SCN1A: variants seen among roughly 807,000 people sequenced by gnomAD.
The protein encoded by SCN1A is sodium channel protein type 1 subunit alpha.
In SCN1A, 13 loss-of-function variants were observed where a neutral mutation model predicts 193.7. That is an observed-to-expected ratio of 0.07 (90% CI 0.04 to 0.11). The LOEUF is 0.11. SCN1A is among the 10% of genes least tolerant of loss of function. The pLI is 1.00. For missense variants in SCN1A, 1,432 were observed against 2,451.1 expected, an observed-to-expected ratio of 0.58 and a Z score of 8.78; for synonymous variants, 781 against 843.6, an observed-to-expected ratio of 0.93 and a Z score of 1.29.
At chr2:166,007,482 T>C (rs1324473349) in intron 23 of SCN1A, among the ~76,000 whole-genome samples, 1 of 151,294 alleles carries the variant, frequency 6.6e-6, no homozygotes, top group Non-Finnish European at 1.5e-5. Context: ...TAAACACAAA[T>C]TTTATTTTAC....
At position 166,093,834 on chromosome 2, in the gene SCN1A, AC is replaced by A. The variant is rs565933902; in HGVS notation, c.-141-16034del. Among the ~76,000 whole-genome samples, 226 of 152,306 alleles carry A rather than the reference AC, an allele frequency of 1.5e-3. 1 individual carries two copies. Among genetic ancestry groups the A allele is most frequent in the African/African-American group, 5.1e-3 (213 of 41,564 alleles). On this transcript the variant is annotated intron_variant, in intron 2 of 28. Coordinates refer to ENST00000674923, the MANE Select transcript of SCN1A (RefSeq NM_001165963.4). ...AATAGCACAAGTTAATAAAGTGATGACCATTGTCAGACAGTTTGGAGGAAGT... is the reference window on the plus strand; with the variant it reads ...AATAGCACAAGTTAATAAAGTGATGACATTGTCAGACAGTTTGGAGGAAGT...
rs556888858 is a variant in SCN1A, at chr2:166,030,433, T to G, written c.3429+5615A>C. 9.8e-5 allele frequency among the ~76,000 whole-genome samples: 14 copies of G among 143,570 alleles called. No homozygotes were observed. In the South Asian group the frequency reaches 1.0e-3, roughly 11 times the overall value. 94.2% of individuals were successfully genotyped at this position (143,570 alleles called of 152,430 possible). A position where few individuals can be genotyped will look rare whatever the true frequency, so the allele number is the denominator to read the frequency against. On this transcript the variant is annotated intron_variant, in intron 19 of 28. Transcript: ENST00000674923. ...AAGGACCTCACATTTTTACTCATTATTCTAGAGCTCACTCATCGCAAAAAC... is the reference window on the plus strand; with the variant it reads ...AAGGACCTCACATTTTTACTCATTAGTCTAGAGCTCACTCATCGCAAAAAC...
At chr2:166,110,912 T>C (rs1276931801) in intron 2 of SCN1A, among the ~76,000 whole-genome samples, 2 of 152,104 alleles carry the variant, frequency 1.3e-5, no homozygotes, top group Non-Finnish European at 2.9e-5. Flanking sequence ...TACACAAACT[T>C]TCTTTGCCTG....
intron 23 of SCN1A, among the ~76,000 whole-genome samples, chr2:166,003,763 A>G (rs1000377467): frequency 6.6e-6 from 1 of 151,520 alleles, no homozygotes; most frequent in Non-Finnish European, 1.5e-5. Context: ...AATTCCACCT[A>G]TGTGCTTGTA....
At chr2:166,122,869 TTAGAG>T (rs1690758486) in intron 2 of SCN1A, among the ~76,000 whole-genome samples, 1 of 152,192 alleles carries the variant, frequency 6.6e-6, no homozygotes, top group African/African-American at 2.4e-5. Flanking sequence ...AAGAAAAAAG[TTAGAG>T]TAGATTCTTC....
Position 166,046,750 on chromosome 2 carries a change from A to T in SCN1A, c.1377+20T>A, listed in dbSNP as rs1178022374. On this transcript the variant is annotated intron_variant, in intron 12 of 28. Coordinates refer to ENST00000674923, the MANE Select transcript of SCN1A (RefSeq NM_001165963.4). ...ATCAGAACGATAAAAGGTCAGTGCCATGAGACAGGGCAGCTTTACCTGAGC... is the reference window on the plus strand; with the variant it reads ...ATCAGAACGATAAAAGGTCAGTGCCTTGAGACAGGGCAGCTTTACCTGAGC... The T allele has an allele frequency of 2.5e-6, 4 of 1,610,246 alleles. No homozygotes were observed. In the African/African-American group the frequency reaches 4.0e-5, roughly 16 times the overall value.
At chr2:166,107,831 G>A (rs1341319247) in intron 2 of SCN1A, among the ~76,000 whole-genome samples, 4 of 152,004 alleles carry the variant, frequency 2.6e-5, no homozygotes, top group African/African-American at 4.8e-5. Context: ...AAATTTAAAC[G>A]TAAGAACTAA....
intron 19 of SCN1A, among the ~76,000 whole-genome samples, chr2:166,025,330 C>T (rs966537188): frequency 1.3e-5 from 2 of 152,164 alleles, no homozygotes; most frequent in African/African-American, 4.8e-5. Context: ...GCTCATGGCC[C>T]AGAACCACTC....
chr2:166,052,994 G>T, intron 7 of SCN1A, 51 bp from the exon 8 acceptor site: 1 of 1,494,866 alleles, frequency 6.7e-7, no homozygotes, highest in Non-Finnish European at 9.3e-7. Context: ...CAAAGAAAAA[G>T]CTGTAGGTAC....
At chr2:166,115,308 G>A (rs375785431) in intron 2 of SCN1A, among the ~76,000 whole-genome samples, 163 of 152,258 alleles carry the variant, frequency 1.1e-3, no homozygotes, top group African/African-American at 3.4e-3. Context: ...GCAGTGAGCC[G>A]AGATTGCTTC....
Position 165,994,231 on chromosome 2 carries a change from T to C in SCN1A, c.4767A>G (p.Val1589=). The stretch of plus-strand genomic sequence containing the variant: ...AATGGCGTAGAGAGATGAGTTTCAG[T>C]ACACACTCTCCAGTAAATAGCACAA... The part of the protein sequence containing the change: ...VFIVLFTGEC[V]LKLISLRHYY... The change falls in exon 28 of 29, where the codon GTA becomes GTG. Residue 1589 remains valine, a synonymous_variant. Transcript: ENST00000674923. The C allele has an allele frequency of 6.2e-7, 1 of 1,612,986 alleles. No homozygotes were observed. The highest frequency in any genetic ancestry group is 8.5e-7 in the Non-Finnish European group (1 of 1,179,368).
intron 2 of SCN1A, among the ~76,000 whole-genome samples, chr2:166,107,516 A>G (rs1202251357): frequency 2.0e-5 from 3 of 152,208 alleles, no homozygotes; most frequent in Non-Finnish European, 4.4e-5. Flanking sequence ...TGAACATTGT[A>G]TGGTAAATGT....
At chr2:166,048,310 G>A (rs956382303) in intron 10 of SCN1A, among the ~76,000 whole-genome samples, 3 of 151,774 alleles carry the variant, frequency 2.0e-5, no homozygotes, top group African/African-American at 7.3e-5. Flanking sequence ...GAGGTATTAA[G>A]CCTAGTACCC....
At chr2:166,099,084 G>A (rs961236794) in intron 2 of SCN1A, among the ~76,000 whole-genome samples, 1 of 152,042 alleles carries the variant, frequency 6.6e-6, no homozygotes, top group Non-Finnish European at 1.5e-5. Context: ...AATGTCTGAG[G>A]CATCACACCA....
intron 7 of SCN1A, 89 bp from the exon 8 acceptor site, chr2:166,053,032 T>G (rs111709612): frequency 6.3e-6 from 9 of 1,432,150 alleles, no homozygotes; most frequent in Non-Finnish European, 6.9e-6. Context: ...CTCTAATCAC[T>G]TCTTACCTGG....
chr2:166,085,765 T>C (rs774313116), intron 2 of SCN1A, among the ~76,000 whole-genome samples: 7 of 152,098 alleles, frequency 4.6e-5, no homozygotes, highest in Non-Finnish European at 7.4e-5. Context: ...ACTAGAAGTA[T>C]CAGAGCTGCA....
intron 1 of SCN1A, among the ~76,000 whole-genome samples, chr2:166,146,715 T>C (rs1030620406): frequency 6.6e-6 from 1 of 152,220 alleles, no homozygotes; most frequent in African/African-American, 2.4e-5. Context: ...GTCAGTGATA[T>C]GTGCCAAATC....
intron 4 of SCN1A, 32 bp downstream of exon 4, chr2:166,073,326 G>A (rs1355554314): frequency 6.2e-7 from 1 of 1,612,170 alleles, no homozygotes. Flanking sequence ...TAGGCAATTA[G>A]CAGCAAAATA....
In SCN1A at chr2:166,097,964, A is replaced by G. The variant is rs115212482; in HGVS notation, c.-141-20163T>C. ...TAGAGGTCATTGTAGAAATATTTGT[A>G]TGCAATCTGCCTTGTTTGGATGAAG... is the stretch of plus-strand genomic sequence containing the variant. On this transcript the variant is annotated intron_variant, in intron 2 of 28. Transcript: ENST00000674923. Among the ~76,000 whole-genome samples, 447 of 152,342 alleles carry G rather than the reference A, an allele frequency of 2.9e-3. 2 individuals are homozygous for G. Among genetic ancestry groups the G allele is most frequent in the African/African-American group, 0.01 (423 of 41,580 alleles).
Sources: allele counts gnomAD v4.1 joint callset (sites outside exome capture counted in the v4.1 genomes callset), GRCh38; gene constraint gnomAD v4.1.1; transcripts MANE v1.5; gene names NCBI Gene and HGNC (gene_info 2026-07-23, HGNC 2026-07-21).